The following NAALADL2 variants were observed in gnomAD, a reference collection of about 807,000 sequenced individuals.
NAALADL2 encodes N-acetylated alpha-linked acidic dipeptidase like 2, also known as inactive N-acetylated-alpha-linked acidic dipeptidase-like protein 2.
NAALADL2 carries 76 observed loss-of-function variants against 87.2 expected under a neutral mutation model. The ratio of observed to expected loss-of-function variants is 0.87; its 90% CI spans 0.72 to 1.05. NAALADL2 has a LOEUF of 1.05. Ranked by LOEUF, NAALADL2 falls within the 50% of genes least tolerant of loss-of-function variation. The pLI is 0.00. For missense variants in NAALADL2, 1,089 were observed against 945.8 expected (o/e 1.15, Z -1.99); for synonymous variants, 354 against 331.0 (o/e 1.07, Z -0.75).
At chr3:174,633,702 C>T (rs1267432694) in intron 2 of NAALADL2, among the ~76,000 whole-genome samples, 1 of 152,146 alleles carries the variant, frequency 6.6e-6, no homozygotes, top group African/African-American at 2.4e-5. Context: ...GCCAGGGTTT[C>T]CTCAGTGAAA....
intron 1 of NAALADL2, among the ~76,000 whole-genome samples, chr3:175,012,322 G>T (rs572170636): frequency 6.7e-6 from 1 of 148,980 alleles, no homozygotes; most frequent in South Asian, 2.2e-4. Context: ...ATGCCACCAG[G>T]CCTGGCTAAT....
intron 11 of NAALADL2, among the ~76,000 whole-genome samples, chr3:175,668,199 T>G (rs1248878152): frequency 6.6e-6 from 1 of 152,168 alleles, no homozygotes; most frequent in Non-Finnish European, 1.5e-5. Flanking sequence ...TTTTAGCACC[T>G]TTGTTCTTTA....
intron 1 of NAALADL2, among the ~76,000 whole-genome samples, chr3:174,513,902 A>T (rs920672374): frequency 6.6e-6 from 1 of 152,126 alleles, no homozygotes; most frequent in Non-Finnish European, 1.5e-5. Context: ...CTTCAGCGTC[A>T]TGTCTTGCCT....
chr3:174,987,812 T>TTA (rs1246166898), intron 1 of NAALADL2, among the ~76,000 whole-genome samples: 1,803 of 120,060 alleles, frequency 0.015, 110 homozygotes, highest in African/African-American at 0.06. Context: ...ATATATATAA[T>TTA]TATATATATA....
chr3:175,087,960 A>C (rs1719365848), intron 1 of NAALADL2, among the ~76,000 whole-genome samples: 1 of 152,092 alleles, frequency 6.6e-6, no homozygotes, highest in Non-Finnish European at 1.5e-5. Flanking sequence ...TTGCAAGTTA[A>C]GTTTTATACT....
chr3:174,717,036 T>C (rs879889085), intron 2 of NAALADL2, among the ~76,000 whole-genome samples: 6 of 152,196 alleles, frequency 3.9e-5, no homozygotes, highest in Non-Finnish European at 7.4e-5. Flanking sequence ...CAGAGAAAAC[T>C]TCAGTACATT....
At chr3:174,782,652 A>G (rs1578906842) in intron 3 of NAALADL2, among the ~76,000 whole-genome samples, 1 of 152,158 alleles carries the variant, frequency 6.6e-6, no homozygotes, top group Non-Finnish European at 1.5e-5. Context: ...GGTTTAATTG[A>G]CTCACAGTTC....
At chr3:175,508,978 T>C (rs375430254) in intron 9 of NAALADL2, among the ~76,000 whole-genome samples, 63 of 152,060 alleles carry the variant, frequency 4.1e-4, no homozygotes, top group African/African-American at 1.4e-3. Flanking sequence ...TAGCCAGGCC[T>C]GCTAGCGCAC....
chr3:175,183,026 T>C (rs979869332), intron 2 of NAALADL2, among the ~76,000 whole-genome samples: 1 of 146,088 alleles, frequency 6.8e-6, no homozygotes, highest in Non-Finnish European at 1.5e-5. Flanking sequence ...TTTGGGAAGT[T>C]TTTTGTGGTT....
intron 4 of NAALADL2, among the ~76,000 whole-genome samples, chr3:175,266,824 C>G (rs1015041721): frequency 2.6e-5 from 4 of 151,628 alleles, no homozygotes; most frequent in African/African-American, 9.7e-5. Flanking sequence ...ATAATAATAG[C>G]ATATCAATAA....
At chr3:174,467,637 G>A (rs966561014) in intron 1 of NAALADL2, among the ~76,000 whole-genome samples, 1 of 122,386 alleles carries the variant, frequency 8.2e-6, no homozygotes, top group African/African-American at 3.0e-5. Flanking sequence ...CCTGAATAAC[G>A]ACTAAGAATT....
At chr3:174,811,337 C>T (rs1190547936) in intron 3 of NAALADL2, among the ~76,000 whole-genome samples, 1 of 152,174 alleles carries the variant, frequency 6.6e-6, no homozygotes, top group African/African-American at 2.4e-5. Flanking sequence ...TTAGGAGCAA[C>T]TGTAGTGGCT....
rs116837610 is a variant in NAALADL2 at position 175,594,160 on chromosome 3, A to T, written c.1800+17973A>T. 1.6e-3 allele frequency among the ~76,000 whole-genome samples: 249 copies of T among 152,168 alleles called. 2 individuals are homozygous for T. Among genetic ancestry groups the T allele is most frequent in the African/African-American group, 5.7e-3 (235 of 41,500 alleles). On this transcript the variant is annotated intron_variant, in intron 10 of 13. Transcript: ENST00000454872. Reference sequence around the variant, plus strand: ...CGCACGCCTCCTTGGTCTCTCTCCCATCAAATAGTCCTCAGTGTCTATTGT... The same window carrying T: ...CGCACGCCTCCTTGGTCTCTCTCCCTTCAAATAGTCCTCAGTGTCTATTGT...
chr3:175,424,971 A>T (rs1249666058), intron 5 of NAALADL2, among the ~76,000 whole-genome samples: 1 of 152,184 alleles, frequency 6.6e-6, no homozygotes, highest in African/African-American at 2.4e-5. Flanking sequence ...CAGCCAATAC[A>T]TGGTGGTGAA....
At chr3:174,540,925 T>C (rs927756847) in intron 1 of NAALADL2, among the ~76,000 whole-genome samples, 1 of 152,184 alleles carries the variant, frequency 6.6e-6, no homozygotes, top group African/African-American at 2.4e-5. Context: ...TAATAGCTAC[T>C]GCGCAACTAT....
At chr3:174,742,331 G>C (rs1733843883) in intron 3 of NAALADL2, among the ~76,000 whole-genome samples, 1 of 151,512 alleles carries the variant, frequency 6.6e-6, no homozygotes, top group Admixed American at 6.6e-5. Flanking sequence ...TATTGTAATG[G>C]TATATAACTG....
At chr3:175,566,647 A>G (rs2149529237) in intron 9 of NAALADL2, among the ~76,000 whole-genome samples, 1 of 152,206 alleles carries the variant, frequency 6.6e-6, no homozygotes, top group African/African-American at 2.4e-5. Flanking sequence ...ATTCAAACAA[A>G]CTTGACAAGG....
At chr3:175,467,778 G>C (rs1484753893) in intron 8 of NAALADL2, among the ~76,000 whole-genome samples, 1 of 151,986 alleles carries the variant, frequency 6.6e-6, no homozygotes, top group Non-Finnish European at 1.5e-5. Context: ...ATGAAATCTA[G>C]CATGCAATGA....
At chr3:175,296,471 C>T (rs898718677) in intron 4 of NAALADL2, among the ~76,000 whole-genome samples, 3 of 152,088 alleles carry the variant, frequency 2.0e-5, no homozygotes, top group Non-Finnish European at 4.4e-5. Flanking sequence ...ACAGGTTCCC[C>T]GTAACTTTGA....
Sources: gnomAD v4.1 joint callset for allele counts (sites outside exome capture counted in the v4.1 genomes callset) on GRCh38, gnomAD v4.1.1 for gene constraint, MANE v1.5 for transcripts, NCBI Gene and HGNC (gene_info 2026-07-23, HGNC 2026-07-21) for gene names.